Variants in POLR3B observed in about 807,000 individuals in gnomAD.
POLR3B encodes DNA-directed RNA polymerase III subunit RPC2.
A neutral mutation model predicts 147.4 loss-of-function variants in POLR3B; 96 were observed. The ratio of observed to expected loss-of-function variants is 0.65; its 90% CI spans 0.55 to 0.77. The LOEUF (loss-of-function observed/expected upper bound fraction) is 0.77, where lower values mean the gene tolerates loss of function less well. Among genes scored for constraint, POLR3B ranks in the 30% least tolerant of loss-of-function variants. POLR3B has a pLI of 0.00. For synonymous variants in POLR3B, 461 were observed against 485.9 expected, an observed-to-expected ratio of 0.95 and a Z score of 0.67; for missense variants, 1,036 against 1,413.5, an observed-to-expected ratio of 0.73 and a Z score of 4.28.
intron 9 of POLR3B, among the ~76,000 whole-genome samples, chr12:106,390,973 G>A (rs550987633): frequency 5.3e-5 from 8 of 152,302 alleles, no homozygotes; most frequent in African/African-American, 1.9e-4. Context: ...CCAGGAGCCT[G>A]AGGCTGTAGA....
intron 27 of POLR3B, among the ~76,000 whole-genome samples, chr12:106,508,265 TA>T (rs756310350): frequency 6.6e-6 from 1 of 152,158 alleles, no homozygotes; most frequent in Non-Finnish European, 1.5e-5. Context: ...CTTGTGCACA[TA>T]CCTTTGCCAC....
intron 18 of POLR3B, among the ~76,000 whole-genome samples, chr12:106,442,034 C>T (rs1443163025): frequency 2.7e-5 from 4 of 149,164 alleles, no homozygotes; most frequent in South Asian, 2.1e-4. Flanking sequence ...GAGCCAAGAT[C>T]GCACCATTGC....
intron 19 of POLR3B, among the ~76,000 whole-genome samples, chr12:106,449,517 A>G (rs139969237): frequency 7.2e-5 from 11 of 152,342 alleles, no homozygotes; most frequent in South Asian, 4.1e-4. Context: ...ATAACAGTCA[A>G]TTAACACTTA....
intron 15 of POLR3B, among the ~76,000 whole-genome samples, chr12:106,432,820 T>C (rs986351466): frequency 2.0e-5 from 3 of 152,212 alleles, no homozygotes; most frequent in African/African-American, 7.2e-5. Flanking sequence ...GCAAAAATTA[T>C]CAGATCAACT....
chr12:106,399,746 GAAATA>G (rs1191198486), intron 10 of POLR3B, among the ~76,000 whole-genome samples: 1 of 152,120 alleles, frequency 6.6e-6, no homozygotes, highest in Non-Finnish European at 1.5e-5. Flanking sequence ...AAGTGAAGGA[GAAATA>G]AAATACTTTA....
intron 9 of POLR3B, among the ~76,000 whole-genome samples, chr12:106,390,019 G>A (rs1057116598): frequency 1.3e-5 from 2 of 152,158 alleles, no homozygotes; most frequent in Non-Finnish European, 2.9e-5. Flanking sequence ...AGGAATTTGA[G>A]ACCAGCCTGG....
intron 23 of POLR3B, among the ~76,000 whole-genome samples, chr12:106,464,079 G>A (rs2037974506): frequency 6.6e-6 from 1 of 152,006 alleles, no homozygotes; most frequent in Admixed American, 6.6e-5. Flanking sequence ...CATTTTCAGT[G>A]GCCAGTCAAG....
chr12:106,478,659 C>CT (rs1439890126), intron 23 of POLR3B, among the ~76,000 whole-genome samples: 1 of 152,076 alleles, frequency 6.6e-6, no homozygotes, highest in Non-Finnish European at 1.5e-5. Context: ...GTAGTGTAAA[C>CT]TTTAACAGAG....
chr12:106,357,885 C>T lies in POLR3B; in HGVS notation c.6C>T (p.Asp2=), dbSNP rs1029648935. The T allele has an allele frequency of 2.5e-6, 4 of 1,613,444 alleles. No individual in the cohort carries two copies. The African/African-American group carries it at 4.0e-5, about 16-fold the overall frequency. M[D]VLAEEFGNLT... ...CTTCCTCCTTCGTGAGCAGCATGGA[C>T]GTGCTAGCGGAGGAGTTTGGGAACC... Residue 2 remains aspartate, a synonymous_variant, in exon 1 of 28, where the codon GAC becomes GAT. Transcript: ENST00000228347.
rs142189295 is a variant in POLR3B at position 106,432,997 on chromosome 12, T to C, written c.1627+517T>C. ...CTTAGCAGCAAGTGTGCTCTCTTCC[T>C]TTCTGCTTTTGATTTGGTGCTGTGT... is the stretch of plus-strand genomic sequence containing the variant. On this transcript the variant is annotated intron_variant, in intron 15 of 27. Coordinates refer to ENST00000228347, the MANE Select transcript of POLR3B (RefSeq NM_018082.6). Among the ~76,000 whole-genome samples, 763 of 152,324 alleles carry C rather than the reference T, an allele frequency of 5.0e-3. 7 individuals carry two copies. The highest frequency in any genetic ancestry group is 0.017 in the African/African-American group (720 of 41,570).
Position 106,466,110 on chromosome 12 carries a change from G to A in POLR3B, c.2713+2490G>A, listed in dbSNP as rs537852322. Among the ~76,000 whole-genome samples, 20 of 152,024 alleles carry A rather than the reference G, an allele frequency of 1.3e-4. 1 individual carries two copies. The highest frequency in any genetic ancestry group is 2.1e-4 in the South Asian group (1 of 4,814). On this transcript the variant is annotated intron_variant, in intron 23 of 27. Transcript: ENST00000228347. ...CCTATTTTTCTATAACCTCTCCAGC[G>A]TCTGTTGTTTCCTGACTTTTTAATG...
At chr12:106,498,322 G>A (rs1238848990) in intron 25 of POLR3B, among the ~76,000 whole-genome samples, 1 of 152,216 alleles carries the variant, frequency 6.6e-6, no homozygotes, top group Admixed American at 6.5e-5. Flanking sequence ...CCGAGGTGAG[G>A]GTGGAGGGGA....
intron 19 of POLR3B, among the ~76,000 whole-genome samples, chr12:106,453,829 G>A (rs1355407197): frequency 6.6e-6 from 1 of 152,104 alleles, no homozygotes; most frequent in East Asian, 1.9e-4. Context: ...TGATTGCTAA[G>A]GAGGGAAGAG....
intron 20 of POLR3B, among the ~76,000 whole-genome samples, chr12:106,456,287 C>G (rs984628408): frequency 6.6e-6 from 1 of 151,976 alleles, no homozygotes; most frequent in African/African-American, 2.4e-5. Context: ...TTTGCCCCAC[C>G]CAAAGGTTTT....
At chr12:106,382,119 A>G (rs374880152) in intron 9 of POLR3B, 2 of 152,230 alleles carry the variant, frequency 1.3e-5, no homozygotes, top group African/African-American at 4.8e-5. Flanking sequence ...CCAACCTCCT[A>G]TCTCGTCCTG....
rs535671461 is a variant in POLR3B, at chr12:106,467,727, T to C, written c.2713+4107T>C. Among the ~76,000 whole-genome samples the C allele has an allele frequency of 5.9e-5, 9 of 152,340 alleles. No individual in the cohort carries two copies. The South Asian group carries it at 1.9e-3, about 32-fold the overall frequency. On this transcript the variant is annotated intron_variant, in intron 23 of 27. Transcript: ENST00000228347. ...TGAGATAATCATGTGGTTTTTGTCA[T>C]TGGATCTGTTTATGTGATGGGTTAT... is the stretch of plus-strand genomic sequence containing the variant.
chr12:106,468,576 A>C (rs1160267840), intron 23 of POLR3B, among the ~76,000 whole-genome samples: 2 of 152,192 alleles, frequency 1.3e-5, no homozygotes, highest in Admixed American at 6.5e-5. Context: ...TCTTGTGGGC[A>C]TTTAGTGCTA....
chr12:106,470,940 T>C (rs2038082834), intron 23 of POLR3B, among the ~76,000 whole-genome samples: 1 of 152,160 alleles, frequency 6.6e-6, no homozygotes, highest in Non-Finnish European at 1.5e-5. Context: ...GGAGGCAGTC[T>C]GTCCATTATC....
chr12:106,470,660 G>T (rs2038077120), intron 23 of POLR3B, among the ~76,000 whole-genome samples: 1 of 152,084 alleles, frequency 6.6e-6, no homozygotes. Context: ...CCTTTTTGTT[G>T]ACGTTGATGC....
Sources: allele counts gnomAD v4.1 joint callset (sites outside exome capture counted in the v4.1 genomes callset), GRCh38; gene constraint gnomAD v4.1.1; transcripts MANE v1.5; gene names NCBI Gene and HGNC (gene_info 2026-07-23, HGNC 2026-07-21).